DCAF16: variants seen among roughly 807,000 people sequenced by gnomAD.
DCAF16 encodes DDB1 and CUL4 associated factor 16.
In DCAF16, 10 loss-of-function variants were observed where a neutral mutation model predicts 17.3. The observed-to-expected ratio is 0.58, with a 90% CI of 0.36 to 0.98. DCAF16 has a LOEUF of 0.98. DCAF16 is among the 50% of genes least tolerant of loss of function. DCAF16 has a pLI of 0.01. For missense variants in DCAF16, 249 were observed against 247.6 expected, an observed-to-expected ratio of 1.01 and a Z score of -0.04; for synonymous variants, 111 against 92.8, an observed-to-expected ratio of 1.20 and a Z score of -1.12.
intron 1 of DCAF16, among the ~76,000 whole-genome samples, chr4:17,808,165 T>C (rs1170875551): frequency 6.6e-6 from 1 of 152,234 alleles, no homozygotes; most frequent in Non-Finnish European, 1.5e-5. Flanking sequence ...TAAAGGAAAC[T>C]GCTTATAACT....
At chr4:17,805,825 C>T (rs1020754455) in intron 1 of DCAF16, among the ~76,000 whole-genome samples, 2 of 152,064 alleles carry the variant, frequency 1.3e-5, no homozygotes, top group African/African-American at 2.4e-5. Flanking sequence ...TTTAGCCAGG[C>T]GTGGTGGTGT....
In DCAF16 at chr4:17,803,439, T is replaced by C; in HGVS notation, c.*52A>G. ...GTGGGCTGTGTAATGACTAACTTTG[T>C]ACCACTTTCTCAATTAGCAACATCA... On this transcript the variant is annotated 3_prime_UTR_variant, in exon 3 of 3. Coordinates refer to ENST00000382247, the MANE Select transcript of DCAF16 (RefSeq NM_017741.4). 6.5e-7 allele frequency: 1 copy of C among 1,536,028 alleles called. No individual in the cohort carries two copies. Among genetic ancestry groups the C allele is most frequent in the South Asian group, 1.2e-5 (1 of 83,270 alleles).
chr4:17,799,843 C>T (rs749455543), downstream of DCAF16, among the ~76,000 whole-genome samples: 1 of 152,004 alleles, frequency 6.6e-6, no homozygotes, highest in Non-Finnish European at 1.5e-5. Flanking sequence ...GGTATCTGGA[C>T]TGTTTTAATA....
downstream of DCAF16, among the ~76,000 whole-genome samples, chr4:17,798,577 G>C (rs534251539): frequency 7.2e-5 from 11 of 151,904 alleles, no homozygotes; most frequent in South Asian, 8.3e-4. Flanking sequence ...GCCTAGGCAA[G>C]AGCGAAACCC....
chr4:17,800,174 T>C (rs1331469302), downstream of DCAF16, among the ~76,000 whole-genome samples: 1 of 150,784 alleles, frequency 6.6e-6, no homozygotes, highest in African/African-American at 2.4e-5. Flanking sequence ...AAGTTGCCTA[T>C]CTGCACTGAG....
downstream of DCAF16, among the ~76,000 whole-genome samples, chr4:17,796,224 G>A (rs1262314848): frequency 6.6e-6 from 1 of 152,184 alleles, no homozygotes; most frequent in Non-Finnish European, 1.5e-5. Flanking sequence ...ACCTTCCAGG[G>A]TACCTTGTGC....
Position 17,803,647 on chromosome 4 carries a change from G to C in DCAF16, c.495C>G (p.Tyr165Ter), listed in dbSNP as rs1463845918. The C allele has an allele frequency of 1.2e-6, 2 of 1,614,218 alleles. No individual in the cohort carries two copies. The highest frequency in any genetic ancestry group is 1.7e-6 in the Non-Finnish European group (2 of 1,180,030). The change falls in exon 3 of 3, where the codon TAC becomes TAG. Residue 165 changes from tyrosine (Y) to a stop codon, truncating the protein, a stop_gained. Transcript: ENST00000382247. LOFTEE classifies it high-confidence loss of function. Reference sequence around the variant, plus strand: ...CACATGAATTAGGGATCTGTTTTAGGTATTCAGGTATGGGAGTGGCTCTAC... The same window carrying C: ...CACATGAATTAGGGATCTGTTTTAGCTATTCAGGTATGGGAGTGGCTCTAC... ...TLSRATPIPE[Y>*]LKQIPNSCVS... is the part of the protein sequence containing the mutation.
intron 1 of DCAF16, among the ~76,000 whole-genome samples, chr4:17,806,209 T>C (rs1266315558): frequency 6.6e-6 from 1 of 152,218 alleles, no homozygotes; most frequent in African/African-American, 2.4e-5. Flanking sequence ...TGAATATTCA[T>C]TAATTTAATT....
At chr4:17,798,741 T>C (rs892361942), downstream of DCAF16, among the ~76,000 whole-genome samples, 1 of 152,224 alleles carries the variant, frequency 6.6e-6, no homozygotes. Flanking sequence ...CCTTTCCATT[T>C]CTTGGTCTCA....
chr4:17,799,016 G>A (rs1200297058), downstream of DCAF16, among the ~76,000 whole-genome samples: 1 of 152,194 alleles, frequency 6.6e-6, no homozygotes, highest in Non-Finnish European at 1.5e-5. Flanking sequence ...CATGAAGTCT[G>A]AGAAGTTATC....
At chr4:17,808,726 A>G (rs1720552520) in intron 1 of DCAF16, among the ~76,000 whole-genome samples, 1 of 152,220 alleles carries the variant, frequency 6.6e-6, no homozygotes, top group African/African-American at 2.4e-5. Context: ...ACAGCCAAAT[A>G]GAATATAGTA....
intron 1 of DCAF16, among the ~76,000 whole-genome samples, chr4:17,806,197 T>C (rs1005656272): frequency 5.3e-5 from 8 of 152,236 alleles, no homozygotes; most frequent in African/African-American, 1.7e-4. Flanking sequence ...GAAATTAACC[T>C]ATGAATATTC....
At chr4:17,796,042 A>G, downstream of DCAF16, among the ~76,000 whole-genome samples, 1 of 152,222 alleles carries the variant, frequency 6.6e-6, no homozygotes, top group South Asian at 2.1e-4. Context: ...CATATAGCAC[A>G]TCACTACCAT....
downstream of DCAF16, among the ~76,000 whole-genome samples, chr4:17,795,673 A>G (rs1251143341): frequency 1.3e-5 from 2 of 152,202 alleles, no homozygotes; most frequent in East Asian, 1.9e-4. Context: ...ATTTTTTAAA[A>G]TAGCATCCTG....
intron 1 of DCAF16, among the ~76,000 whole-genome samples, 171 bp downstream of exon 1, chr4:17,810,276 T>A (rs1484267187): frequency 6.6e-6 from 1 of 152,222 alleles, no homozygotes; most frequent in Non-Finnish European, 1.5e-5. Context: ...TTATGCACAC[T>A]TGTAAACAGG....
chr4:17,797,023 C>A (rs1176728808), downstream of DCAF16, among the ~76,000 whole-genome samples: 4 of 151,792 alleles, frequency 2.6e-5, no homozygotes, highest in African/African-American at 9.7e-5. Flanking sequence ...AGTGCAGTGG[C>A]ATGACCATAA....
chr4:17,805,810 A>T (rs1720273930), intron 1 of DCAF16, among the ~76,000 whole-genome samples: 1 of 152,178 alleles, frequency 6.6e-6, no homozygotes, highest in African/African-American at 2.4e-5. Context: ...AAAAAATTTT[A>T]AAAATTTAGC....
rs766032980 is a variant in DCAF16, at chr4:17,804,053, C to T, written c.89G>A (p.Gly30Glu). The T allele has an allele frequency of 1.2e-6, 2 of 1,614,102 alleles. No homozygotes were observed. Among genetic ancestry groups the T allele is most frequent in the Non-Finnish European group, 1.7e-6 (2 of 1,179,998 alleles). ...ENISYLNESS[G>E]EEWDSSEEED... ...TTCTTCAGAGGAATCCCACTCTTCC[C>T]CAGAACTCTCATTTAGGTAACTAAT... Residue 30 changes from glycine to glutamate, a missense_variant, in exon 3 of 3, where the codon GGG (glycine) becomes GAG (glutamate). Gly to Glu is a moderately conservative substitution (Grantham distance 98). Coordinates refer to ENST00000382247, the MANE Select transcript of DCAF16 (RefSeq NM_017741.4).
In DCAF16 at chr4:17,803,728, A is replaced by G. The variant is rs1720019042; in HGVS notation, c.414T>C (p.His138=). Residue 138 remains histidine, a synonymous_variant, in exon 3 of 3, where the codon CAT becomes CAC. Transcript: ENST00000382247. ...LTSPSRLSRD[H]ATLNGALQFA... Reference sequence around the variant, plus strand: ...ATTGCAGTGCTCCATTTAGAGTGGCATGATCTCTAGAGAGCCGGCTGGGAC... The same window carrying G: ...ATTGCAGTGCTCCATTTAGAGTGGCGTGATCTCTAGAGAGCCGGCTGGGAC... 2 of 1,614,186 alleles carry G rather than the reference A, an allele frequency of 1.2e-6. No individual in the cohort carries two copies. The highest frequency in any genetic ancestry group is 1.6e-4 in the Middle Eastern group (1 of 6,062).
Sources: allele counts gnomAD v4.1 joint callset (sites outside exome capture counted in the v4.1 genomes callset), GRCh38; gene constraint gnomAD v4.1.1; transcripts MANE v1.5; gene names NCBI Gene and HGNC (gene_info 2026-07-23, HGNC 2026-07-21).